Variants in MCUB observed in about 807,000 individuals in gnomAD.
MCUB encodes mitochondrial calcium uniporter dominant negative subunit beta, also known as calcium uniporter regulatory subunit MCUb, mitochondrial.
A neutral mutation model predicts 41.4 loss-of-function variants in MCUB; 46 were observed. The ratio of observed to expected loss-of-function variants is 1.11; its 90% CI spans 0.88 to 1.42. The LOEUF is 1.42. MCUB is among the 40% of genes most tolerant of loss of function. The pLI, the probability that MCUB is intolerant of heterozygous loss-of-function variation, is 0.00. For synonymous variants in MCUB, 148 were observed against 148.2 expected, an observed-to-expected ratio of 1.00 and a Z score of 0.01; for missense variants, 403 against 404.9, an observed-to-expected ratio of 1.00 and a Z score of 0.04.
chr4:109,613,909 A>G (rs1728072046), intron 1 of MCUB, among the ~76,000 whole-genome samples: 1 of 152,226 alleles, frequency 6.6e-6, no homozygotes, highest in Non-Finnish European at 1.5e-5. Context: ...ATCACAACCC[A>G]GATATTGACT....
chr4:109,644,285 A>G (rs1728783886), intron 1 of MCUB, among the ~76,000 whole-genome samples: 1 of 152,192 alleles, frequency 6.6e-6, no homozygotes, highest in African/African-American at 2.4e-5. Flanking sequence ...AATAAATTAT[A>G]AGTCATTCTG....
chr4:109,638,175 G>A (rs561266531), intron 1 of MCUB, among the ~76,000 whole-genome samples: 76 of 152,214 alleles, frequency 5.0e-4, no homozygotes, highest in Admixed American at 1.5e-3. Context: ...GGGCAACATG[G>A]TGAAACCCCA....
At chr4:109,619,030 G>GCCTGCCTGCCTACCTACCTACCTA (rs1554017841) in intron 1 of MCUB, among the ~76,000 whole-genome samples, 3 of 118,706 alleles carry the variant, frequency 2.5e-5, no homozygotes, top group Admixed American at 8.4e-5. Flanking sequence ...CTACCTGCCT[G>GCCTGCCTGCCTACCTACCTACCTA]CCTACCTACC....
intron 1 of MCUB, among the ~76,000 whole-genome samples, chr4:109,593,900 T>G (rs1727495851): frequency 6.6e-6 from 1 of 152,242 alleles, no homozygotes; most frequent in Admixed American, 6.5e-5. Flanking sequence ...GGGCAGAATT[T>G]AAGTCTGTGT....
At chr4:109,580,351 T>G (rs1427343276) in intron 1 of MCUB, among the ~76,000 whole-genome samples, 1 of 152,222 alleles carries the variant, frequency 6.6e-6, no homozygotes, top group Non-Finnish European at 1.5e-5. Flanking sequence ...CGTGTGCATG[T>G]GTCTGTATAG....
At chr4:109,564,031 T>G (rs181820562) in intron 1 of MCUB, among the ~76,000 whole-genome samples, 1 of 152,364 alleles carries the variant, frequency 6.6e-6, no homozygotes, top group East Asian at 1.9e-4. Context: ...CTCTCTAAAG[T>G]TTACCACAGC....
chr4:109,618,569 G>A lies in MCUB; in HGVS notation c.100-40442G>A, dbSNP rs949764308. ...ATGTTAGGACTTTTTTGTTTATTAT[G>A]CTTCTTCTTAAATTCATATGATATA... On this transcript the variant is annotated intron_variant, in intron 1 of 7. Transcript: ENST00000394650. Among the ~76,000 whole-genome samples, 3 of 152,122 alleles carry A rather than the reference G, an allele frequency of 2.0e-5. 1 individual carries two copies. Among genetic ancestry groups the A allele is most frequent in the Admixed American group, 1.3e-4 (2 of 15,276 alleles).
At chr4:109,593,745 G>A (rs368672201) in intron 1 of MCUB, among the ~76,000 whole-genome samples, 1 of 152,266 alleles carries the variant, frequency 6.6e-6, no homozygotes, top group African/African-American at 2.4e-5. Context: ...AGTCATAAAA[G>A]CAAGCTAATT....
At chr4:109,561,866 A>G (rs1726647713) in intron 1 of MCUB, among the ~76,000 whole-genome samples, 3 of 152,080 alleles carry the variant, frequency 2.0e-5, no homozygotes, top group Admixed American at 6.5e-5. Context: ...CTCCTACCTC[A>G]GCCTCCCCAG....
intron 1 of MCUB, among the ~76,000 whole-genome samples, chr4:109,586,274 G>A (rs926552330): frequency 1.3e-5 from 2 of 152,128 alleles, no homozygotes. Context: ...GTGTCACATG[G>A]TTCTCGTGCC....
chr4:109,669,370 A>C, intron 4 of MCUB, among the ~76,000 whole-genome samples: 1 of 152,012 alleles, frequency 6.6e-6, no homozygotes, highest in Non-Finnish European at 1.5e-5. Flanking sequence ...GATTTCAGAG[A>C]AGTCAGGTTT....
chr4:109,637,589 A>T (rs1728622435), intron 1 of MCUB, among the ~76,000 whole-genome samples: 1 of 152,238 alleles, frequency 6.6e-6, no homozygotes, highest in Non-Finnish European at 1.5e-5. Context: ...GAATGAAGTA[A>T]TGGCATTTGC....
intron 1 of MCUB, among the ~76,000 whole-genome samples, chr4:109,576,274 A>G (rs1319970209): frequency 1.3e-5 from 2 of 152,184 alleles, no homozygotes; most frequent in Non-Finnish European, 2.9e-5. Flanking sequence ...GACATTCCTA[A>G]GTCCTCAGAG....
chr4:109,629,565 G>T (rs72900750), intron 1 of MCUB, among the ~76,000 whole-genome samples: 3,380 of 152,254 alleles, frequency 0.022, 112 homozygotes, highest in African/African-American at 0.078. Context: ...TACCTATGCT[G>T]CTGACTGACT....
At position 109,660,265 on chromosome 4, in the gene MCUB, T is replaced by A. The variant is rs776383064; in HGVS notation, c.246T>A (p.Cys82Ter). The A allele has an allele frequency of 6.2e-7, 1 of 1,602,636 alleles. No individual in the cohort carries two copies. The highest frequency in any genetic ancestry group is 8.5e-7 in the Non-Finnish European group (1 of 1,169,652). ...CCTTGCCATCTAGAAAAGAACGTTGTCAATTCGTAGTCAAACCAATGTTGT... is the reference window on the plus strand; with the variant it reads ...CCTTGCCATCTAGAAAAGAACGTTGACAATTCGTAGTCAAACCAATGTTGT... ...TLTLPSRKER[C>*]QFVVKPMLST... The change falls in exon 3 of 8, where the codon TGT (cysteine) becomes TGA (stop). Residue 82 changes from cysteine to a stop codon, truncating the protein, a stop_gained. Transcript: ENST00000394650. LOFTEE classifies it high-confidence loss of function.
chr4:109,665,643 T>C (rs1365275856), intron 4 of MCUB, among the ~76,000 whole-genome samples: 2 of 152,236 alleles, frequency 1.3e-5, no homozygotes, highest in Non-Finnish European at 2.9e-5. Flanking sequence ...ATGGTTGTTA[T>C]ACTATATTGT....
intron 1 of MCUB, among the ~76,000 whole-genome samples, chr4:109,583,008 C>CT (rs1340371012): frequency 6.6e-6 from 1 of 152,108 alleles, no homozygotes; most frequent in East Asian, 1.9e-4. Flanking sequence ...ATGCCTCCAG[C>CT]TTTTTTCTTT....
At chr4:109,564,308 G>A (rs888348819) in intron 1 of MCUB, among the ~76,000 whole-genome samples, 2 of 151,860 alleles carry the variant, frequency 1.3e-5, no homozygotes, top group African/African-American at 4.8e-5. Flanking sequence ...CTAATTTTTT[G>A]TATTTTAGTA....
rs56813205 is a variant in MCUB at position 109,612,263 on chromosome 4, C to CTTTTTT, written c.100-46734_100-46729dup. ...GGTATTTCTTCCTCCTCCTCCTTTT[C>CTTTTTT]TTTTTTTTTTTTTTTTTTTGAGAGC... is the stretch of plus-strand genomic sequence containing the variant. On this transcript the variant is annotated intron_variant, in intron 1 of 7. Coordinates refer to ENST00000394650, the MANE Select transcript of MCUB (RefSeq NM_017918.5). Among the ~76,000 whole-genome samples the CTTTTTT allele has an allele frequency of 2.2e-4, 25 of 114,802 alleles. 1 individual carries two copies. Among genetic ancestry groups the CTTTTTT allele is most frequent in the Non-Finnish European group, 2.7e-4 (16 of 58,740 alleles). The allele number at this position is 114,802 out of a possible 152,430, so 75.3% of individuals were successfully genotyped here.
Sources: allele counts gnomAD v4.1 joint callset (sites outside exome capture counted in the v4.1 genomes callset), GRCh38; gene constraint gnomAD v4.1.1; transcripts MANE v1.5; gene names NCBI Gene and HGNC (gene_info 2026-07-23, HGNC 2026-07-21).